The following ASIC2 variants were observed in gnomAD, a reference collection of about 807,000 sequenced individuals.
ASIC2 encodes the protein acid-sensing ion channel 2.
A neutral mutation model predicts 57.3 loss-of-function variants in ASIC2; 25 were observed. The observed-to-expected ratio is 0.44, with a 90% CI of 0.32 to 0.61. The LOEUF (loss-of-function observed/expected upper bound fraction) is 0.61. Ranked by LOEUF, ASIC2 falls within the 20% of genes least tolerant of loss-of-function variation. The probability of loss-of-function intolerance (pLI) is 0.06; values close to 1 mark genes in which losing one functional copy is unlikely to be tolerated. For synonymous variants in ASIC2, 319 were observed against 307.5 expected (o/e 1.04, Z -0.39); for missense variants, 641 against 738.1 (o/e 0.87, Z 1.52).
At chr17:33,846,408 T>C (rs1913602491) in intron 1 of ASIC2, among the ~76,000 whole-genome samples, 1 of 152,272 alleles carries the variant, frequency 6.6e-6, no homozygotes, top group Admixed American at 6.5e-5. Context: ...TATTTTCCCT[T>C]CTCAAGTTGG....
intron 1 of ASIC2, among the ~76,000 whole-genome samples, chr17:33,837,314 G>C (rs569258651): frequency 6.6e-6 from 1 of 152,272 alleles, no homozygotes; most frequent in East Asian, 1.9e-4. Context: ...CTGAGATTCT[G>C]ATTACAGTTG....
In ASIC2 at chr17:33,804,364, T is replaced by C. The variant is rs1276209732; in HGVS notation, c.555+351614A>G. On this transcript the variant is annotated intron_variant, in intron 1 of 9. Coordinates refer to the ASIC2 transcript ENST00000359872. ...TAGCTGAGCCTTCTCTCAGAGTCAG[T>C]CTTTGGGACTGGGATTGGTGTGAGT... is the stretch of plus-strand genomic sequence containing the variant. Among the ~76,000 whole-genome samples the C allele has an allele frequency of 2.0e-5, 3 of 152,074 alleles. No homozygotes were observed. In the East Asian group the frequency reaches 5.8e-4, roughly 29 times the overall value.
intron 1 of ASIC2, among the ~76,000 whole-genome samples, chr17:33,225,468 A>T (rs1483335905): frequency 6.6e-6 from 1 of 152,252 alleles, no homozygotes; most frequent in Non-Finnish European, 1.5e-5. Context: ...TCTAGTCAGA[A>T]GTTAGTAAAT....
At chr17:33,601,038 A>G (rs575168031) in intron 1 of ASIC2, among the ~76,000 whole-genome samples, 116 of 152,300 alleles carry the variant, frequency 7.6e-4, no homozygotes, top group Non-Finnish European at 1.4e-3. Flanking sequence ...AAGGTGCTGT[A>G]TGGCTTCTTT....
At chr17:33,903,663 T>C (rs1421732296) in intron 1 of ASIC2, among the ~76,000 whole-genome samples, 1 of 152,136 alleles carries the variant, frequency 6.6e-6, no homozygotes, top group African/African-American at 2.4e-5. Context: ...CAAGTTTGAG[T>C]AGATGATGAC....
intron 1 of ASIC2, among the ~76,000 whole-genome samples, chr17:33,525,179 G>A (rs970066218): frequency 1.3e-5 from 2 of 152,120 alleles, no homozygotes; most frequent in Admixed American, 1.3e-4. Flanking sequence ...GGAACAGGAG[G>A]GCATGCTGGC....
intron 1 of ASIC2, among the ~76,000 whole-genome samples, chr17:33,204,704 C>T (rs1192668654): frequency 2.0e-5 from 3 of 152,222 alleles, no homozygotes; most frequent in Non-Finnish European, 4.4e-5. Context: ...AAACTCAATT[C>T]TAGCACATGT....
intron 1 of ASIC2, among the ~76,000 whole-genome samples, chr17:33,353,229 C>T (rs1252426736): frequency 6.6e-6 from 1 of 152,206 alleles, no homozygotes; most frequent in Non-Finnish European, 1.5e-5. Context: ...GTGCATTTTA[C>T]TTAGACATTC....
chr17:34,138,519 G>A (rs1233514194), intron 1 of ASIC2, among the ~76,000 whole-genome samples: 1 of 152,168 alleles, frequency 6.6e-6, no homozygotes, highest in African/African-American at 2.4e-5. Context: ...GAAGGGGCAG[G>A]CTAAATGATT....
chr17:33,122,997 T>C lies in ASIC2; in HGVS notation c.709-10930A>G, dbSNP rs955450805. ...CCGAAAAGATGAAAGATAACAAGTATTGGTGAAGACGTAGAGAAAAGGGAA... is the reference window on the plus strand; with the variant it reads ...CCGAAAAGATGAAAGATAACAAGTACTGGTGAAGACGTAGAGAAAAGGGAA... On this transcript the variant is annotated intron_variant, in intron 1 of 9. Transcript: ENST00000225823. Among the ~76,000 whole-genome samples the C allele has an allele frequency of 5.5e-4, 83 of 152,200 alleles. 1 individual carries two copies. The highest frequency in any genetic ancestry group is 4.7e-3 in the Admixed American group (72 of 15,288).
At chr17:33,781,298 A>C (rs545430692) in intron 1 of ASIC2, among the ~76,000 whole-genome samples, 105 of 152,294 alleles carry the variant, frequency 6.9e-4, no homozygotes, top group African/African-American at 2.4e-3. Context: ...TCTCCACAGC[A>C]TTTCTGAGTG....
At chr17:33,703,779 C>G (rs1908780683) in intron 1 of ASIC2, among the ~76,000 whole-genome samples, 1 of 152,174 alleles carries the variant, frequency 6.6e-6, no homozygotes, top group East Asian at 1.9e-4. Context: ...CCCTGTTCTG[C>G]TCCCAGACTC....
At chr17:33,620,252 A>T (rs1424733098) in intron 1 of ASIC2, among the ~76,000 whole-genome samples, 1 of 151,584 alleles carries the variant, frequency 6.6e-6, no homozygotes, top group African/African-American at 2.4e-5. Context: ...AAAAAAAAAA[A>T]AAAAAAAAAC....
At chr17:33,028,014 A>G (rs1011185655) in intron 4 of ASIC2, among the ~76,000 whole-genome samples, 1 of 152,252 alleles carries the variant, frequency 6.6e-6, no homozygotes, top group Non-Finnish European at 1.5e-5. Flanking sequence ...ACTGGGATGA[A>G]CATTCCCCAA....
At chr17:33,203,092 C>T (rs373205028) in intron 1 of ASIC2, among the ~76,000 whole-genome samples, 3 of 152,226 alleles carry the variant, frequency 2.0e-5, no homozygotes, top group South Asian at 2.1e-4. Flanking sequence ...ACCAGAGACA[C>T]ATTGGCCCCT....
intron 1 of ASIC2, among the ~76,000 whole-genome samples, chr17:34,097,610 G>A (rs1006900981): frequency 2.0e-5 from 3 of 152,182 alleles, no homozygotes; most frequent in African/African-American, 7.2e-5. Flanking sequence ...ACAAGGCAGA[G>A]ATTGGAGTTA....
chr17:33,945,242 C>T (rs1904335646), intron 1 of ASIC2, among the ~76,000 whole-genome samples: 6 of 152,164 alleles, frequency 3.9e-5, no homozygotes, highest in African/African-American at 1.4e-4. Context: ...ACAGAATTGT[C>T]TGCCAGAGGA....
At chr17:33,521,090 T>G (rs1338664628) in intron 1 of ASIC2, among the ~76,000 whole-genome samples, 1 of 152,026 alleles carries the variant, frequency 6.6e-6, no homozygotes, top group Admixed American at 6.5e-5. Flanking sequence ...CAGACAAGGT[T>G]CAATAACCTC....
intron 3 of ASIC2, among the ~76,000 whole-genome samples, chr17:33,044,175 T>C (rs756668605): frequency 2.0e-5 from 3 of 151,896 alleles, no homozygotes; most frequent in Non-Finnish European, 4.4e-5. Context: ...TAAGCTTTGA[T>C]GTCATAAGAG....
Sources: allele counts gnomAD v4.1 joint callset (sites outside exome capture counted in the v4.1 genomes callset), GRCh38; gene constraint gnomAD v4.1.1; transcripts MANE v1.5; gene names NCBI Gene and HGNC (gene_info 2026-07-23, HGNC 2026-07-21).